Variants in CYP4F2 observed in about 807,000 individuals in gnomAD.
CYP4F2 encodes cytochrome P450 family 4 subfamily F member 2.
In CYP4F2, 58 loss-of-function variants were observed where a neutral mutation model predicts 58.9. The ratio of observed to expected loss-of-function variants is 0.98; its 90% CI spans 0.80 to 1.23. The LOEUF is 1.23. CYP4F2 is among the 50% of genes most tolerant of loss of function. The probability of loss-of-function intolerance (pLI) is 0.00; values close to 1 mark genes in which losing one functional copy is unlikely to be tolerated. For synonymous variants in CYP4F2, 287 were observed against 261.1 expected (o/e 1.10, Z -0.95); for missense variants, 616 against 685.6 (o/e 0.90, Z 1.13).
At chr19:15,883,926 G>A (rs1454762441) in intron 9 of CYP4F2, among the ~76,000 whole-genome samples, 2 of 152,140 alleles carry the variant, frequency 1.3e-5, no homozygotes, top group Admixed American at 6.6e-5. Flanking sequence ...AGGCATGGTG[G>A]TGTGCACCCA....
In CYP4F2 at chr19:15,879,208, T is replaced by C. The variant is rs2089327105; in HGVS notation, c.1397+138A>G. ...AACCCAACCGTACTCTATGGACCTT[T>C]TCCTATAAACTCCAGAGGAGGTGAG... On this transcript the variant is annotated intron_variant, in intron 12 of 12. Coordinates refer to ENST00000221700, the MANE Select transcript of CYP4F2 (RefSeq NM_001082.5). The C allele has an allele frequency of 4.4e-6, 6 of 1,354,378 alleles. No individual in the cohort carries two copies. The South Asian group carries it at 6.9e-5, about 15-fold the overall frequency. 83.9% of individuals were successfully genotyped at this position (1,354,378 alleles called of 1,614,324 possible).
chr19:15,891,370 G>A (rs2089415481), intron 5 of CYP4F2, among the ~76,000 whole-genome samples: 1 of 152,122 alleles, frequency 6.6e-6, no homozygotes, highest in African/African-American at 2.4e-5. Context: ...TGTGTCATGA[G>A]TAGTAAACTA....
At position 15,879,347 on chromosome 19, in the gene CYP4F2, TG is replaced by T. The variant is rs1416088909; in HGVS notation, c.1395del (p.Arg466GlyfsTer13). The T allele has an allele frequency of 6.2e-7, 1 of 1,613,990 alleles. No homozygotes were observed. Among genetic ancestry groups the T allele is most frequent in the African/African-American group, 1.3e-5 (1 of 74,918 alleles). On this transcript the variant is annotated frameshift_variant and splice_region_variant, in exon 12 of 13. Coordinates refer to ENST00000221700, the MANE Select transcript of CYP4F2 (RefSeq NM_001082.5). LOFTEE classifies it high-confidence loss of function. The stretch of plus-strand genomic sequence containing the variant: ...ACCTCAGACACAGGCCGCCCTTACC[TG>T]GGCCCTGCCGAGAAGGGAATAAAAG... ...PLAFIPFSAG[P>X]RNCIGQTFAM... is the part of the protein sequence containing the mutation.
Position 15,879,763 on chromosome 19 carries a change from C to T in CYP4F2, c.1249+1G>A. On this transcript the variant is annotated splice_donor_variant, in intron 10 of 12. Transcript: ENST00000221700. LOFTEE classifies it high-confidence loss of function. ...ACTCCTCCCCGTGAGGCTGTGAGCA[C>T]CTTTGGGGATGACCCGGCCGTCTGG... The T allele has an allele frequency of 2.5e-6, 4 of 1,614,128 alleles. No individual in the cohort carries two copies. Among genetic ancestry groups the T allele is most frequent in the East Asian group, 2.2e-5 (1 of 44,866 alleles).
chr19:15,881,223 C>G (rs1007944964), intron 9 of CYP4F2, among the ~76,000 whole-genome samples: 4 of 152,126 alleles, frequency 2.6e-5, no homozygotes. Context: ...GAAATATCTA[C>G]TATAACTGAA....
At chr19:15,894,077 G>C (rs539625412) in intron 3 of CYP4F2, among the ~76,000 whole-genome samples, 25 of 152,134 alleles carry the variant, frequency 1.6e-4, no homozygotes, top group African/African-American at 5.1e-4. Context: ...GACAGAAAAG[G>C]TCTTTCCCCA....
At position 15,892,529 on chromosome 19, in the gene CYP4F2, C is replaced by A. The variant is rs755715160; in HGVS notation, c.397G>T (p.Gly133Trp). 2.5e-5 allele frequency: 41 copies of A among 1,613,996 alleles called. No individual in the cohort carries two copies. The highest frequency in any genetic ancestry group is 5.1e-6 in the Non-Finnish European group (6 of 1,180,010). The change falls in exon 4 of 13, where the codon GGG becomes TGG. Residue 133 changes from glycine to tryptophan, a missense_variant and splice_region_variant. Coordinates refer to ENST00000221700, the MANE Select transcript of CYP4F2 (RefSeq NM_001082.5). ...ACCCTGTTCACCTGCAGATACTCAC[C>A]CAGCCAGGGCTCCAGGAAGCTGTAG... ...FFYSFLEPWL[G>W]DGLLLSAGDK...
At position 15,878,885 on chromosome 19, in the gene CYP4F2, C is replaced by T. The variant is rs957212086; in HGVS notation, c.1449G>A (p.Ala483=). ...FAMAEMKVVL[A]LTLLRFRVLP... is the part of the protein sequence containing the mutation. ...GGACGCGGAAGCGCAGCAGCGTGAGCGCCAGGACCACCTTCATCTCCGCCA... is the reference window on the plus strand; with the variant it reads ...GGACGCGGAAGCGCAGCAGCGTGAGTGCCAGGACCACCTTCATCTCCGCCA... Residue 483 remains alanine, a synonymous_variant, in exon 13 of 13, where the codon GCG becomes GCA. Transcript: ENST00000221700. 1.5e-5 allele frequency: 24 copies of T among 1,613,928 alleles called. No homozygotes were observed. In the Admixed American group the frequency reaches 3.7e-4, roughly 25 times the overall value.
chr19:15,880,268 G>T (rs1016584073), intron 9 of CYP4F2, among the ~76,000 whole-genome samples: 1 of 151,992 alleles, frequency 6.6e-6, no homozygotes, highest in Non-Finnish European at 1.5e-5. Context: ...TGCAGATAAA[G>T]GATAGTAATG....
intron 11 of CYP4F2, 50 bp downstream of exon 11, chr19:15,879,554 C>T (rs752078440): frequency 3.1e-6 from 5 of 1,611,822 alleles, no homozygotes; most frequent in East Asian, 2.2e-5. Context: ...ACCCTGCCCC[C>T]TCCTCTAGGA....
chr19:15,892,524 C>A lies in CYP4F2; in HGVS notation c.397+5G>T. 6.2e-7 allele frequency: 1 copy of A among 1,614,096 alleles called. No homozygotes were observed. The highest frequency in any genetic ancestry group is 8.5e-7 in the Non-Finnish European group (1 of 1,179,988). On this transcript the variant is annotated splice_donor_5th_base_variant and intron_variant, in intron 4 of 12. Coordinates refer to ENST00000221700, the MANE Select transcript of CYP4F2 (RefSeq NM_001082.5). The stretch of plus-strand genomic sequence containing the variant: ...TCCCAACCCTGTTCACCTGCAGATA[C>A]TCACCCAGCCAGGGCTCCAGGAAGC...
chr19:15,880,843 G>C (rs1026489043), intron 9 of CYP4F2, among the ~76,000 whole-genome samples: 1 of 152,168 alleles, frequency 6.6e-6, no homozygotes, highest in South Asian at 2.1e-4. Context: ...TACATTAGTA[G>C]TATTGGTAAA....
rs186674318 is a variant in CYP4F2 at position 15,881,712 on chromosome 19, G to A, written c.1116-1815C>T. ...TCTTATCTGTAATATCTCATTTGGT[G>A]CAAGAAGAATCTGTTCTTATCACTG... On this transcript the variant is annotated intron_variant, in intron 9 of 12. Coordinates refer to ENST00000221700, the MANE Select transcript of CYP4F2 (RefSeq NM_001082.5). Among the ~76,000 whole-genome samples, 24 of 151,980 alleles carry A rather than the reference G, an allele frequency of 1.6e-4. No homozygotes were observed. In the East Asian group the frequency reaches 1.9e-3, roughly 12 times the overall value.
rs547821781 is a variant in CYP4F2 at position 15,878,798 on chromosome 19, A to G, written c.1536T>C (p.Leu512=). ...PELVLRAEGG[L]WLRVEPLS is the part of the protein sequence containing the mutation. The stretch of plus-strand genomic sequence containing the variant: ...AGCTCAGGGGCTCCACCCGCAGCCA[A>G]AGTCCGCCCTCTGCGCGCAGGACCA... Residue 512 remains leucine, a synonymous_variant, in exon 13 of 13, where the codon CTT becomes CTC. Coordinates refer to ENST00000221700, the MANE Select transcript of CYP4F2 (RefSeq NM_001082.5). 63 of 1,613,664 alleles carry G rather than the reference A, an allele frequency of 3.9e-5. No homozygotes were observed. The Admixed American group carries it at 7.7e-4, about 20-fold the overall frequency.
At chr19:15,897,845 C>T in intron 1 of CYP4F2, 181 bp downstream of exon 1, 1 of 453,808 alleles carries the variant, frequency 2.2e-6, no homozygotes, top group Non-Finnish European at 3.9e-6. Flanking sequence ...GAGAGAGAGA[C>T]TGATTAAAGT....
chr19:15,879,321 C>T (rs2089327923), intron 12 of CYP4F2, 25 bp downstream of exon 12: 1 of 1,613,396 alleles, frequency 6.2e-7, no homozygotes, highest in Admixed American at 1.7e-5. Flanking sequence ...AACCCGTTCC[C>T]ACCTCAGACA....
chr19:15,897,893 G>A (rs1360371420), intron 1 of CYP4F2, 133 bp downstream of exon 1: 1 of 371,038 alleles, frequency 2.7e-6, no homozygotes, highest in Non-Finnish European at 4.9e-6. Context: ...GAGGTTGCCA[G>A]GGGCTTGGTT....
chr19:15,883,661 A>C (rs1342569985), intron 9 of CYP4F2, among the ~76,000 whole-genome samples: 2 of 152,266 alleles, frequency 1.3e-5, no homozygotes, highest in African/African-American at 4.8e-5. Flanking sequence ...CAAAGAAAGA[A>C]AATAAAACTG....
At chr19:15,889,174 A>C (rs1321051466) in intron 7 of CYP4F2, among the ~76,000 whole-genome samples, 2 of 152,234 alleles carry the variant, frequency 1.3e-5, no homozygotes, top group African/African-American at 2.4e-5. Context: ...TATGGAGTTA[A>C]ATGTGGACAA....
Sources: allele counts gnomAD v4.1 joint callset (sites outside exome capture counted in the v4.1 genomes callset), GRCh38; gene constraint gnomAD v4.1.1; transcripts MANE v1.5; gene names NCBI Gene and HGNC (gene_info 2026-07-23, HGNC 2026-07-21).